Variants in RIMS4 observed in about 807,000 individuals in gnomAD.
RIMS4 encodes the protein regulating synaptic membrane exocytosis 4.
A neutral mutation model predicts 29.0 loss-of-function variants in RIMS4; 9 were observed. That is an observed-to-expected ratio of 0.31 (90% CI 0.19 to 0.54). The LOEUF is 0.54. Among genes scored for constraint, RIMS4 ranks in the 20% least tolerant of loss-of-function variants. The pLI is 0.94. For synonymous variants in RIMS4, 130 were observed against 152.9 expected, an observed-to-expected ratio of 0.85 and a Z score of 1.10; for missense variants, 193 against 365.7, an observed-to-expected ratio of 0.53 and a Z score of 3.85.
At chr20:44,807,800 C>T (rs1005166073) in intron 1 of RIMS4, among the ~76,000 whole-genome samples, 9 of 152,064 alleles carry the variant, frequency 5.9e-5, no homozygotes, top group Non-Finnish European at 1.3e-4. Flanking sequence ...ATTATTTTTC[C>T]GGAAATGAAA....
chr20:44,763,635 G>T (rs2066095621), intron 2 of RIMS4, among the ~76,000 whole-genome samples: 1 of 152,184 alleles, frequency 6.6e-6, no homozygotes, highest in African/African-American at 2.4e-5. Flanking sequence ...TTTATTTTGT[G>T]TTAATGGTGA....
rs190205892 is a variant in RIMS4 at position 44,772,198 on chromosome 20, T to C, written c.98-785A>G. On this transcript the variant is annotated intron_variant, in intron 1 of 5. Coordinates refer to ENST00000372851, the MANE Select transcript of RIMS4 (RefSeq NM_182970.4). ...CATTCTGTGGTCAAACATCATCTTATCCAAGATCTTTCTTGACCTCTCCTG... is the reference window on the plus strand; with the variant it reads ...CATTCTGTGGTCAAACATCATCTTACCCAAGATCTTTCTTGACCTCTCCTG... Among the ~76,000 whole-genome samples, 42 of 152,238 alleles carry C rather than the reference T, an allele frequency of 2.8e-4. No homozygotes were observed. In the East Asian group the frequency reaches 7.5e-3, roughly 27 times the overall value.
intron 1 of RIMS4, among the ~76,000 whole-genome samples, chr20:44,783,897 G>C (rs1601034343): frequency 6.6e-6 from 1 of 152,240 alleles, no homozygotes; most frequent in Admixed American, 6.5e-5. Flanking sequence ...CTGTGGTGAT[G>C]GTTGCACAAC....
Position 44,756,904 on chromosome 20 carries a change from G to A in RIMS4, c.585C>T (p.Val195=), listed in dbSNP as rs1383733506. The A allele has an allele frequency of 6.2e-7, 1 of 1,613,928 alleles. No homozygotes were observed. Among genetic ancestry groups the A allele is most frequent in the Non-Finnish European group, 8.5e-7 (1 of 1,179,912 alleles). ...LLFPESPQGK[V]LQVIVWGNYG... ...GCGCGTCAATGCCCCTCACCTGGAG[G>A]ACTTTGCCCTGGGGACTCTCAGGAA... Residue 195 remains valine, a synonymous_variant, in exon 5 of 6, where the codon GTC becomes GTT. Coordinates refer to ENST00000372851, the MANE Select transcript of RIMS4 (RefSeq NM_182970.4). The surrounding 1 kb of genome is among the most constrained non-coding windows in gnomAD (Gnocchi z 5.9).
chr20:44,809,647 A>G (rs2066314340), intron 1 of RIMS4, among the ~76,000 whole-genome samples: 2 of 152,142 alleles, frequency 1.3e-5, no homozygotes, highest in Admixed American at 1.3e-4. Flanking sequence ...GCCCCAGCCC[A>G]TGAGGGAAGG....
intron 1 of RIMS4, among the ~76,000 whole-genome samples, chr20:44,797,076 T>C (rs1304603235): frequency 1.3e-5 from 2 of 152,216 alleles, no homozygotes; most frequent in Non-Finnish European, 2.9e-5. Context: ...CTCTCTGATC[T>C]TCCCTAGCAG....
rs528224387 is a variant in RIMS4, at chr20:44,806,803, A to T, written c.97+3372T>A. The stretch of plus-strand genomic sequence containing the variant: ...GCTTCATTCCCTCACTTCCTGGCTG[A>T]GTGACCTTGGATGAATTAATATGTC... On this transcript the variant is annotated intron_variant, in intron 1 of 5. Coordinates refer to ENST00000372851, the MANE Select transcript of RIMS4 (RefSeq NM_182970.4). 2.6e-5 allele frequency among the ~76,000 whole-genome samples: 4 copies of T among 152,330 alleles called. 1 individual carries two copies. Among genetic ancestry groups the T allele is most frequent in the African/African-American group, 9.6e-5 (4 of 41,576 alleles).
Position 44,810,525 on chromosome 20 carries a change from C to CGGCGGCGGCGGCGGCGGCGGCGGCGGT in RIMS4, c.-255_-254insACCGCCGCCGCCGCCGCCGCCGCCGCC. 1.4e-5 allele frequency among the ~76,000 whole-genome samples: 2 copies of CGGCGGCGGCGGCGGCGGCGGCGGCGGT among 144,816 alleles called. No homozygotes were observed. The highest frequency in any genetic ancestry group is 5.0e-5 in the African/African-American group (2 of 40,222). ...GCGGCGGCGGCGGCGGTGGCGGCGG[C>CGGCGGCGGCGGCGGCGGCGGCGGCGGT]GGTGGCGGCGCAGCGCGCTCTGGTC... On this transcript the variant is annotated 5_prime_UTR_variant, in exon 1 of 6. Transcript: ENST00000372851.
intron 1 of RIMS4, among the ~76,000 whole-genome samples, chr20:44,779,397 C>T (rs1323047592): frequency 6.6e-6 from 1 of 152,240 alleles, no homozygotes; most frequent in East Asian, 1.9e-4. Flanking sequence ...CCACATGCCA[C>T]TTCCAGTTAC....
intron 1 of RIMS4, among the ~76,000 whole-genome samples, chr20:44,801,800 A>G (rs1451309146): frequency 3.9e-5 from 6 of 152,314 alleles, no homozygotes; most frequent in Admixed American, 3.3e-4. Context: ...ACTCTGTGAC[A>G]GAAACAAGAG....
chr20:44,767,422 A>T (rs575190165), intron 2 of RIMS4, among the ~76,000 whole-genome samples: 1 of 152,296 alleles, frequency 6.6e-6, no homozygotes, highest in Non-Finnish European at 1.5e-5. Context: ...AAACAGGCTC[A>T]AGGAAAGAAA....
chr20:44,806,923 C>T (rs996456399), intron 1 of RIMS4, among the ~76,000 whole-genome samples: 1 of 152,116 alleles, frequency 6.6e-6, no homozygotes, highest in African/African-American at 2.4e-5. Context: ...TTTAAAATGC[C>T]TGGGAATATG....
intron 2 of RIMS4, among the ~76,000 whole-genome samples, chr20:44,765,694 G>A (rs2066110446): frequency 6.6e-6 from 1 of 152,148 alleles, no homozygotes; most frequent in South Asian, 2.1e-4. Flanking sequence ...CCGTGACCCT[G>A]AGCCCGGGTT....
intron 1 of RIMS4, among the ~76,000 whole-genome samples, chr20:44,804,240 C>G (rs1445937996): frequency 6.6e-6 from 1 of 152,198 alleles, no homozygotes; most frequent in Non-Finnish European, 1.5e-5. Flanking sequence ...GCCAAGCAAG[C>G]CCATCAATCA....
chr20:44,791,625 C>T (rs145763676), intron 1 of RIMS4, among the ~76,000 whole-genome samples: 3 of 152,300 alleles, frequency 2.0e-5, no homozygotes, highest in East Asian at 3.9e-4. Context: ...CTCCCACTCC[C>T]GGGTGTGGAA....
intron 1 of RIMS4, among the ~76,000 whole-genome samples, chr20:44,797,975 C>A (rs935247736): frequency 1.3e-5 from 2 of 152,220 alleles, no homozygotes; most frequent in Non-Finnish European, 2.9e-5. Context: ...AGATCTCAAA[C>A]CCAGGTTTCT....
At chr20:44,767,023 G>A (rs2066116680) in intron 2 of RIMS4, among the ~76,000 whole-genome samples, 1 of 152,192 alleles carries the variant, frequency 6.6e-6, no homozygotes, top group Non-Finnish European at 1.5e-5. Context: ...TGGGTTCCGA[G>A]AGTTCCCCAT....
At position 44,755,906 on chromosome 20, in the gene RIMS4, C is replaced by A. The variant is rs1243819983; in HGVS notation, c.*228G>T. On this transcript the variant is annotated 3_prime_UTR_variant, in exon 6 of 6. Coordinates refer to ENST00000372851, the MANE Select transcript of RIMS4 (RefSeq NM_182970.4). Reference sequence around the variant, plus strand: ...CAGCCACATCCACCAGGTCAAGAACCGGCCAAGTCAAAAGTGTAGCCAATC... The same window carrying A: ...CAGCCACATCCACCAGGTCAAGAACAGGCCAAGTCAAAAGTGTAGCCAATC... The A allele has an allele frequency of 2.5e-5, 13 of 521,596 alleles. No individual in the cohort carries two copies. In the South Asian group the frequency reaches 4.1e-4, roughly 16 times the overall value. The allele number at this position is 521,596 out of a possible 1,614,324, so 32.3% of individuals were successfully genotyped here. A position where few individuals can be genotyped will look rare whatever the true frequency, so the allele number is the denominator to read the frequency against.
At chr20:44,785,385 A>AT (rs1174935517) in intron 1 of RIMS4, among the ~76,000 whole-genome samples, 1 of 151,992 alleles carries the variant, frequency 6.6e-6, no homozygotes, top group African/African-American at 2.4e-5. Context: ...TAATTACTTT[A>AT]TTTTTTGTAG....
Sources: allele counts gnomAD v4.1 joint callset (sites outside exome capture counted in the v4.1 genomes callset), GRCh38; gene constraint gnomAD v4.1.1; non-coding constraint Gnocchi (gnomAD v3.1); transcripts MANE v1.5; gene names NCBI Gene and HGNC (gene_info 2026-07-23, HGNC 2026-07-21).